CPN1: variants seen among roughly 807,000 people sequenced by gnomAD.
CPN1 encodes the protein carboxypeptidase N catalytic chain.
In CPN1, 37 loss-of-function variants were observed where a neutral mutation model predicts 46.4. That is an observed-to-expected ratio of 0.80 (90% CI 0.61 to 1.05). The LOEUF is 1.05. Ranked by LOEUF, CPN1 falls within the 50% of genes least tolerant of loss-of-function variation. The pLI is 0.00. For synonymous variants in CPN1, 224 were observed against 235.4 expected, an observed-to-expected ratio of 0.95 and a Z score of 0.44; for missense variants, 563 against 602.6, an observed-to-expected ratio of 0.93 and a Z score of 0.69.
intron 1 of CPN1, among the ~76,000 whole-genome samples, chr10:100,079,135 A>G (rs1589480661): frequency 6.6e-6 from 1 of 152,170 alleles, no homozygotes; most frequent in Non-Finnish European, 1.5e-5. Context: ...GTCTTCCTCC[A>G]TGCCATCCTT....
chr10:100,065,263 C>T lies in CPN1; in HGVS notation c.684G>A (p.Lys228=), dbSNP rs1188218526. ...GAVVANYPYD[K]SFEHRVRGVR... is the part of the protein sequence containing the mutation. ...CCCCTCGGACCCGGTGCTCAAAGGA[C>T]TTGTCATACGGGTAATTGGCCACCA... The change falls in exon 4 of 9, where the codon AAG becomes AAA. Residue 228 remains lysine (K), a synonymous_variant. Coordinates refer to ENST00000370418, the MANE Select transcript of CPN1 (RefSeq NM_001308.3). The T allele has an allele frequency of 2.5e-6, 4 of 1,614,030 alleles. No individual in the cohort carries two copies. Among genetic ancestry groups the T allele is most frequent in the Non-Finnish European group, 3.4e-6 (4 of 1,180,046 alleles).
At chr10:100,044,701 G>A (rs2041297909) in intron 8 of CPN1, among the ~76,000 whole-genome samples, 4 of 148,818 alleles carry the variant, frequency 2.7e-5, no homozygotes, top group Admixed American at 6.7e-5. Context: ...TGGAAACTCT[G>A]TAGTAAACAA....
chr10:100,046,417 A>G (rs962903464), intron 8 of CPN1, among the ~76,000 whole-genome samples: 5 of 152,174 alleles, frequency 3.3e-5, no homozygotes, highest in African/African-American at 1.2e-4. Context: ...GGCTGCAGTG[A>G]GCCATGACTG....
chr10:100,056,900 T>A, intron 6 of CPN1, 113 bp downstream of exon 6: 1 of 1,286,406 alleles, frequency 7.8e-7, no homozygotes, highest in Non-Finnish European at 1.1e-6. Flanking sequence ...GACGCCCAGA[T>A]CTATTGGACT....
At chr10:100,064,765 A>G (rs1215690142) in intron 4 of CPN1, among the ~76,000 whole-genome samples, 2 of 152,188 alleles carry the variant, frequency 1.3e-5, no homozygotes, top group African/African-American at 2.4e-5. Flanking sequence ...TGTTATTTAA[A>G]CCTTTTTCAT....
At chr10:100,081,333 CACTCCAATT>C (rs906959836) in intron 1 of CPN1, 61 bp downstream of exon 1, 1 of 1,397,424 alleles carries the variant, frequency 7.2e-7, no homozygotes, top group African/African-American at 1.4e-5. Context: ...CCCCAGAAAC[CACTCCAATT>C]ACTGGATTTG....
At chr10:100,044,892 G>A (rs1356945268) in intron 8 of CPN1, among the ~76,000 whole-genome samples, 5 of 152,034 alleles carry the variant, frequency 3.3e-5, no homozygotes, top group Non-Finnish European at 7.4e-5. Context: ...TGTATTTTGA[G>A]TAGAGACAGG....
intron 7 of CPN1, among the ~76,000 whole-genome samples, chr10:100,051,533 T>A (rs546539724): frequency 0.03 from 4,459 of 147,610 alleles, 108 homozygotes; most frequent in African/African-American, 0.067. Context: ...TGAAAAAAAA[T>A]TTTTTTTTTT....
chr10:100,076,015 CCT>C lies in CPN1; in HGVS notation c.314_315del (p.Glu105GlyfsTer60). Reference protein sequence around the residue: ...LMLQLSEFLCEEFRNRNQRIV... With the variant: ...LMLQLSEFLCXEFRNRNQRIV... ...ATGCGCTGGTTCCTGTTCCGGAACT[CCT>C]CGCACAGAAACTCCGACAGCTGCAG... On this transcript the variant is annotated frameshift_variant, in exon 2 of 9. Coordinates refer to ENST00000370418, the MANE Select transcript of CPN1 (RefSeq NM_001308.3). LOFTEE classifies it high-confidence loss of function. 1 of 1,614,152 alleles carries C rather than the reference CCT, an allele frequency of 6.2e-7. No individual in the cohort carries two copies.
At chr10:100,060,336 C>A (rs991049594) in intron 5 of CPN1, among the ~76,000 whole-genome samples, 7 of 152,114 alleles carry the variant, frequency 4.6e-5, no homozygotes, top group Non-Finnish European at 8.8e-5. Context: ...CTGAGGCGGG[C>A]GGATCACTTG....
At chr10:100,075,324 G>A (rs199867606) in intron 2 of CPN1, among the ~76,000 whole-genome samples, 6 of 152,076 alleles carry the variant, frequency 3.9e-5, no homozygotes, top group South Asian at 2.1e-4. Context: ...TTTTCTTATC[G>A]GTCCCACTGC....
At chr10:100,067,195 C>A (rs1355630442) in intron 3 of CPN1, among the ~76,000 whole-genome samples, 1 of 152,102 alleles carries the variant, frequency 6.6e-6, no homozygotes, top group Non-Finnish European at 1.5e-5. Flanking sequence ...ATGCCATCTG[C>A]AACCTCCGCC....
chr10:100,074,353 G>C (rs989798212), intron 2 of CPN1, among the ~76,000 whole-genome samples: 8 of 152,214 alleles, frequency 5.3e-5, no homozygotes, highest in Admixed American at 2.6e-4. Context: ...CAAGAACACA[G>C]CAGGTGAGCA....
At chr10:100,060,317 T>C (rs767877306) in intron 5 of CPN1, among the ~76,000 whole-genome samples, 1 of 152,164 alleles carries the variant, frequency 6.6e-6, no homozygotes, top group Non-Finnish European at 1.5e-5. Flanking sequence ...ATCCCAGCAC[T>C]TTGGGAGGCT....
chr10:100,050,852 G>C (rs1011554930), intron 7 of CPN1, among the ~76,000 whole-genome samples: 1 of 152,128 alleles, frequency 6.6e-6, no homozygotes, highest in African/African-American at 2.4e-5. Context: ...GCATGGTCTT[G>C]AACTCTTGAC....
intron 4 of CPN1, among the ~76,000 whole-genome samples, chr10:100,064,121 GA>G (rs2041438175): frequency 6.6e-6 from 1 of 152,080 alleles, no homozygotes; most frequent in Non-Finnish European, 1.5e-5. Flanking sequence ...TTTTGTCAAA[GA>G]AATCAAGGAG....
At chr10:100,044,446 T>G (rs1254116795) in intron 8 of CPN1, among the ~76,000 whole-genome samples, 2 of 150,794 alleles carry the variant, frequency 1.3e-5, no homozygotes, top group Non-Finnish European at 3.0e-5. Context: ...GCAATCACGG[T>G]TCACTGCAGG....
At chr10:100,049,621 G>C (rs559657948) in intron 7 of CPN1, among the ~76,000 whole-genome samples, 14 of 151,674 alleles carry the variant, frequency 9.2e-5, no homozygotes, top group African/African-American at 2.9e-4. Flanking sequence ...TGCCCAGGCT[G>C]GTCTCAAACT....
At chr10:100,051,651 CTGAG>C (rs1194482339) in intron 7 of CPN1, among the ~76,000 whole-genome samples, 3 of 150,714 alleles carry the variant, frequency 2.0e-5, no homozygotes, top group African/African-American at 7.3e-5. Context: ...CCTCAGCCTC[CTGAG>C]TATCTGGGAC....
Sources: gnomAD v4.1 joint callset for allele counts (sites outside exome capture counted in the v4.1 genomes callset) on GRCh38, gnomAD v4.1.1 for gene constraint, MANE v1.5 for transcripts, NCBI Gene and HGNC (gene_info 2026-07-23, HGNC 2026-07-21) for gene names.